BFSP2: variants seen among roughly 807,000 people sequenced by gnomAD.
The protein encoded by BFSP2 is phakinin.
In BFSP2, 38 loss-of-function variants were observed where a neutral mutation model predicts 44.9. The observed-to-expected ratio is 0.85, with a 90% CI of 0.65 to 1.11. BFSP2 has a LOEUF of 1.11. Ranked by LOEUF, BFSP2 falls within the 50% of genes least tolerant of loss-of-function variation. The probability of loss-of-function intolerance (pLI) is 0.00; values close to 1 mark genes in which losing one functional copy is unlikely to be tolerated. For missense variants in BFSP2, 525 were observed against 533.0 expected, an observed-to-expected ratio of 0.99 and a Z score of 0.15; for synonymous variants, 197 against 209.9, an observed-to-expected ratio of 0.94 and a Z score of 0.53.
chr3:133,425,484 G>A (rs1450271559), intron 1 of BFSP2, among the ~76,000 whole-genome samples: 1 of 152,210 alleles, frequency 6.6e-6, no homozygotes, highest in Non-Finnish European at 1.5e-5. Flanking sequence ...CAGCCCCTGG[G>A]CGAAAACATG....
chr3:133,440,740 T>C (rs140225265), intron 1 of BFSP2, among the ~76,000 whole-genome samples: 131 of 152,256 alleles, frequency 8.6e-4, no homozygotes, highest in Non-Finnish European at 1.4e-3. Flanking sequence ...TGCCCAACAA[T>C]GGCAAATAAA....
At chr3:133,457,985 G>A (rs1430155454) in intron 4 of BFSP2, among the ~76,000 whole-genome samples, 1 of 152,188 alleles carries the variant, frequency 6.6e-6, no homozygotes, top group East Asian at 1.9e-4. Flanking sequence ...ATATAGAAAT[G>A]TATCTGTTAA....
In BFSP2 at chr3:133,400,110, C is replaced by G; in HGVS notation, c.27C>G (p.Asp9Glu). 6.2e-7 allele frequency: 1 copy of G among 1,614,190 alleles called. No homozygotes were observed. Among genetic ancestry groups the G allele is most frequent in the Non-Finnish European group, 8.5e-7 (1 of 1,180,034 alleles). Residue 9 changes from aspartate (D) to glutamate (E), a missense_variant, in exon 1 of 7, where the codon GAC (aspartate) becomes GAG (glutamate). Transcript: ENST00000302334. This position sits in a 1 kb window ranked among gnomAD's most constrained non-coding sequence, Gnocchi z 4.0. ...TGAGTGAGAGGCGAGTGGTAGTGGA[C>G]TTGCCCACCAGTGCCAGCTCCAGCA... MSERRVVV[D>E]LPTSASSSMP...
chr3:133,474,557 AT>A (rs199982132), intron 6 of BFSP2, among the ~76,000 whole-genome samples: 10 of 151,814 alleles, frequency 6.6e-5, no homozygotes, highest in East Asian at 1.9e-4. Flanking sequence ...CTAACAAAGT[AT>A]TTTTTTTTCA....
chr3:133,423,659 G>A (rs1214206192), intron 1 of BFSP2, among the ~76,000 whole-genome samples: 1 of 152,162 alleles, frequency 6.6e-6, no homozygotes, highest in Non-Finnish European at 1.5e-5. Context: ...CGATCTCAGA[G>A]TGGCCTGCAG....
chr3:133,469,192 G>T (rs920037100), intron 5 of BFSP2, among the ~76,000 whole-genome samples: 1 of 152,226 alleles, frequency 6.6e-6, no homozygotes, highest in Non-Finnish European at 1.5e-5. Flanking sequence ...GTTCCCTGCT[G>T]GTTCTAGTAG....
intron 1 of BFSP2, among the ~76,000 whole-genome samples, chr3:133,418,538 C>T (rs2073565532): frequency 6.6e-6 from 1 of 152,148 alleles, no homozygotes; most frequent in Non-Finnish European, 1.5e-5. Context: ...CCACCCAGGC[C>T]AGGAACGTCT....
At chr3:133,467,093 T>C (rs914415405) in intron 5 of BFSP2, 134 bp downstream of exon 5, 7 of 1,239,432 alleles carry the variant, frequency 5.6e-6, no homozygotes, top group East Asian at 2.6e-5. Context: ...CTGAAATGTC[T>C]TCTGACTCCC....
rs1160394463 is a variant in BFSP2 at position 133,422,796 on chromosome 3, A to ATAGCCCAGTTGTTGCCAAATG, written c.489+22224_489+22225insTAGCCCAGTTGTTGCCAAATG. Among the ~76,000 whole-genome samples the ATAGCCCAGTTGTTGCCAAATG allele has an allele frequency of 1.6e-3, 241 of 150,604 alleles. 1 individual carries two copies. The highest frequency in any genetic ancestry group is 5.0e-3 in the African/African-American group (204 of 40,940). ...GAATATAGCCCAGGTGTTGCCAAAT[A>ATAGCCCAGTTGTTGCCAAATG]GCAGGGTAGGGAGAAACTGTCCGGA... On this transcript the variant is annotated intron_variant, in intron 1 of 6. Coordinates refer to ENST00000302334, the MANE Select transcript of BFSP2 (RefSeq NM_003571.4).
intron 1 of BFSP2, among the ~76,000 whole-genome samples, chr3:133,435,566 G>A (rs1019214824): frequency 5.9e-5 from 9 of 152,154 alleles, no homozygotes; most frequent in African/African-American, 1.7e-4. Context: ...TCTTGTCTGC[G>A]GCTGAGCTGG....
chr3:133,435,275 AAC>A (rs1464511924), intron 1 of BFSP2, among the ~76,000 whole-genome samples: 1 of 152,128 alleles, frequency 6.6e-6, no homozygotes, highest in Non-Finnish European at 1.5e-5. Flanking sequence ...TAACTCTCAA[AAC>A]ACTCTTATAA....
At chr3:133,419,191 C>G (rs1387056699) in intron 1 of BFSP2, among the ~76,000 whole-genome samples, 1 of 152,140 alleles carries the variant, frequency 6.6e-6, no homozygotes, top group Non-Finnish European at 1.5e-5. Flanking sequence ...TAGGGCCCAC[C>G]GTCAGGACCT....
chr3:133,425,957 G>GA (rs1559964350), intron 1 of BFSP2, among the ~76,000 whole-genome samples: 1 of 8,998 alleles, frequency 1.1e-4, no homozygotes, highest in African/African-American at 1.7e-3. Flanking sequence ...AGGGGAGGGG[G>GA]AGGGGGAGGG....
chr3:133,451,520 A>T (rs2073965812), intron 4 of BFSP2, among the ~76,000 whole-genome samples: 1 of 152,222 alleles, frequency 6.6e-6, no homozygotes, highest in African/African-American at 2.4e-5. Flanking sequence ...TGTTCCAATA[A>T]AACTTTATTT....
At chr3:133,418,980 G>A (rs2073569314) in intron 1 of BFSP2, among the ~76,000 whole-genome samples, 1 of 152,212 alleles carries the variant, frequency 6.6e-6, no homozygotes, top group Non-Finnish European at 1.5e-5. Flanking sequence ...CCCATGGACT[G>A]TCTTCAACAA....
intron 1 of BFSP2, among the ~76,000 whole-genome samples, chr3:133,415,341 T>TCC (rs2073510569): frequency 5.6e-5 from 1 of 17,760 alleles, no homozygotes; most frequent in African/African-American, 1.9e-4. Context: ...CTCACCCGTG[T>TCC]CCTCTCCCCT....
Position 133,448,568 on chromosome 3 carries a change from T to C in BFSP2, c.652T>C (p.Leu218=). 2 of 1,614,142 alleles carry C rather than the reference T, an allele frequency of 1.2e-6. No individual in the cohort carries two copies. The highest frequency in any genetic ancestry group is 1.7e-6 in the Non-Finnish European group (2 of 1,180,024). ...SLYKVIDEAN[L]TKMDLESQIE... ...GTATAAAGTCATTGATGAGGCTAATTTGACTAAAATGGACCTGGAGAGTCA... is the reference window on the plus strand; with the variant it reads ...GTATAAAGTCATTGATGAGGCTAATCTGACTAAAATGGACCTGGAGAGTCA... The change falls in exon 3 of 7, where the codon TTG becomes CTG. Residue 218 remains leucine (L), a synonymous_variant. Coordinates refer to ENST00000302334, the MANE Select transcript of BFSP2 (RefSeq NM_003571.4).
intron 1 of BFSP2, among the ~76,000 whole-genome samples, chr3:133,442,921 G>A (rs1448120611): frequency 6.6e-6 from 1 of 151,294 alleles, no homozygotes; most frequent in Non-Finnish European, 1.5e-5. Flanking sequence ...GCAGTGGTGC[G>A]ATCTCAGCTC....
At chr3:133,468,668 A>C (rs1225929494) in intron 5 of BFSP2, among the ~76,000 whole-genome samples, 7 of 152,206 alleles carry the variant, frequency 4.6e-5, no homozygotes, top group African/African-American at 7.2e-5. Flanking sequence ...CAGGCCTCTT[A>C]ACACCTGGGC....
Sources: gnomAD v4.1 joint callset for allele counts (sites outside exome capture counted in the v4.1 genomes callset) on GRCh38, gnomAD v4.1.1 for gene constraint, Gnocchi (gnomAD v3.1) non-coding constraint, MANE v1.5 for transcripts, NCBI Gene and HGNC (gene_info 2026-07-23, HGNC 2026-07-21) for gene names.